The following MAML2 variants were observed in gnomAD, a reference collection of about 807,000 sequenced individuals.
The protein encoded by MAML2 is mastermind-like protein 2.
Under a neutral mutation model 96.1 loss-of-function variants are expected in MAML2, and 22 were observed. That is an observed-to-expected ratio of 0.23 (90% CI 0.16 to 0.33). MAML2 has a LOEUF of 0.33. Among genes scored for constraint, MAML2 ranks in the 10% least tolerant of loss-of-function variants. The pLI is 1.00. For synonymous variants in MAML2, 561 were observed against 521.3 expected (o/e 1.08, Z -1.04); for missense variants, 1,367 against 1,392.4 (o/e 0.98, Z 0.29).
At chr11:96,185,779 C>A (rs891906718) in intron 1 of MAML2, among the ~76,000 whole-genome samples, 1 of 152,206 alleles carries the variant, frequency 6.6e-6, no homozygotes, top group African/African-American at 2.4e-5. Flanking sequence ...GTATGCATCA[C>A]CTCTTTTGGG....
intron 1 of MAML2, among the ~76,000 whole-genome samples, chr11:96,111,441 GTTC>G (rs1171515794): frequency 6.6e-6 from 1 of 152,158 alleles, no homozygotes; most frequent in Non-Finnish European, 1.5e-5. Context: ...CTGTGTGAGT[GTTC>G]TTCTTTCCCA....
chr11:96,207,784 T>C (rs923742621), intron 1 of MAML2, among the ~76,000 whole-genome samples: 1 of 152,238 alleles, frequency 6.6e-6, no homozygotes, highest in African/African-American at 2.4e-5. Context: ...CTTGCCATTA[T>C]CGAATAAAGA....
intron 1 of MAML2, among the ~76,000 whole-genome samples, chr11:96,170,906 G>A (rs187118029): frequency 1.3e-5 from 2 of 152,146 alleles, no homozygotes; most frequent in African/African-American, 4.8e-5. Context: ...AGCAGAGATT[G>A]GGTTTCACCA....
In MAML2 at chr11:96,008,740, C is replaced by G. The variant is rs1858225429; in HGVS notation, c.2140-17017G>C. ...AAATTTAAAATCAGTCAACTATTTG[C>G]TTCATGTACATGTTGCCAAATAATT... On this transcript the variant is annotated intron_variant, in intron 2 of 4. Transcript: ENST00000524717. Among the ~76,000 whole-genome samples the G allele has an allele frequency of 3.9e-5, 6 of 152,168 alleles. 1 individual carries two copies. The South Asian group carries it at 1.2e-3, about 32-fold the overall frequency.
chr11:96,233,057 C>A (rs1167240213), intron 1 of MAML2, among the ~76,000 whole-genome samples: 1 of 152,174 alleles, frequency 6.6e-6, no homozygotes, highest in Non-Finnish European at 1.5e-5. Context: ...GCTCTTAAGA[C>A]CAATTTTTTA....
chr11:96,189,375 T>C (rs1423025152), intron 1 of MAML2, among the ~76,000 whole-genome samples: 1 of 152,246 alleles, frequency 6.6e-6, no homozygotes, highest in Admixed American at 6.5e-5. Flanking sequence ...TACATACCAA[T>C]AGTTACTCCT....
chr11:96,106,980 C>CTTTTT (rs71040129), intron 1 of MAML2, among the ~76,000 whole-genome samples: 3 of 90,298 alleles, frequency 3.3e-5, no homozygotes, highest in East Asian at 3.9e-4. Flanking sequence ...GAAAAGAGTC[C>CTTTTT]TTTTTTTTTT....
chr11:96,107,329 C>T (rs1365722989), intron 1 of MAML2, among the ~76,000 whole-genome samples: 1 of 152,098 alleles, frequency 6.6e-6, no homozygotes, highest in Non-Finnish European at 1.5e-5. Flanking sequence ...TGTAATCTCT[C>T]TGGGCCTCAG....
chr11:96,201,235 G>T (rs930464420), intron 1 of MAML2, among the ~76,000 whole-genome samples: 1 of 152,094 alleles, frequency 6.6e-6, no homozygotes, highest in Non-Finnish European at 1.5e-5. Context: ...TTTACAAAGG[G>T]AAGTGAATCT....
At chr11:96,136,497 C>G (rs1409912008) in intron 1 of MAML2, among the ~76,000 whole-genome samples, 1 of 152,112 alleles carries the variant, frequency 6.6e-6, no homozygotes, top group African/African-American at 2.4e-5. Context: ...TCCCCCACCC[C>G]CCAAACTACA....
intron 1 of MAML2, among the ~76,000 whole-genome samples, chr11:96,135,544 G>GATTT (rs1860614909): frequency 1.9e-5 from 1 of 51,926 alleles, no homozygotes; most frequent in African/African-American, 5.6e-5. Context: ...CCAATCCAAG[G>GATTT]CTTTTTTTTT....
At chr11:96,270,859 G>A (rs1299126853) in intron 1 of MAML2, among the ~76,000 whole-genome samples, 1 of 152,146 alleles carries the variant, frequency 6.6e-6, no homozygotes, top group Non-Finnish European at 1.5e-5. Context: ...ATTAACATTT[G>A]AGTCAGTGGA....
intron 1 of MAML2, among the ~76,000 whole-genome samples, chr11:96,338,346 G>A (rs1331515425): frequency 2.0e-5 from 3 of 152,258 alleles, no homozygotes; most frequent in Admixed American, 1.3e-4. Context: ...CAGCAGCGGG[G>A]CTTCCCCTGA....
intron 1 of MAML2, among the ~76,000 whole-genome samples, chr11:96,302,117 C>T (rs1863394307): frequency 6.6e-6 from 1 of 152,092 alleles, no homozygotes; most frequent in Non-Finnish European, 1.5e-5. Flanking sequence ...TATTTCTGTT[C>T]ATTATTAAAA....
rs553548673 is a variant in MAML2 at position 96,047,293 on chromosome 11, G to C, written c.2139+44599C>G. Reference sequence around the variant, plus strand: ...ATTCTAAATTTCCTTTCACTTTCTTGTTGCTCAACTAACTCACCTCCCAAC... The same window carrying C: ...ATTCTAAATTTCCTTTCACTTTCTTCTTGCTCAACTAACTCACCTCCCAAC... On this transcript the variant is annotated intron_variant, in intron 2 of 4. Transcript: ENST00000524717. 9.2e-5 allele frequency among the ~76,000 whole-genome samples: 14 copies of C among 152,122 alleles called. No homozygotes were observed. In the South Asian group the frequency reaches 2.9e-3, roughly 32 times the overall value.
intron 2 of MAML2, among the ~76,000 whole-genome samples, chr11:96,014,896 TTCA>T (rs796681746): frequency 1.3e-5 from 2 of 152,370 alleles, no homozygotes; most frequent in South Asian, 4.1e-4. Context: ...GAGTCATTAA[TTCA>T]TCAATAACTA....
At chr11:96,094,459 C>A (rs1410026875) in intron 1 of MAML2, among the ~76,000 whole-genome samples, 2 of 152,120 alleles carry the variant, frequency 1.3e-5, no homozygotes, top group Non-Finnish European at 2.9e-5. Context: ...ACAGTAACAA[C>A]TCAATAAACA....
intron 1 of MAML2, among the ~76,000 whole-genome samples, chr11:96,261,888 A>C (rs1328741789): frequency 6.6e-6 from 1 of 152,268 alleles, no homozygotes; most frequent in African/African-American, 2.4e-5. Context: ...GATTTCTAAT[A>C]TATCACCATG....
chr11:96,032,073 T>C (rs1858624744), intron 2 of MAML2, among the ~76,000 whole-genome samples: 1 of 152,132 alleles, frequency 6.6e-6, no homozygotes, highest in Admixed American at 6.5e-5. Context: ...TCTCTTTACC[T>C]GAAAGTGAGC....
Sources: gnomAD v4.1 joint callset for allele counts (sites outside exome capture counted in the v4.1 genomes callset) on GRCh38, gnomAD v4.1.1 for gene constraint, MANE v1.5 for transcripts, NCBI Gene and HGNC (gene_info 2026-07-23, HGNC 2026-07-21) for gene names.